NBAS: variants seen among roughly 807,000 people sequenced by gnomAD.
NBAS encodes NAG/BC035112 fusion.
A neutral mutation model predicts 302.5 loss-of-function variants in NBAS; 219 were observed. The observed-to-expected ratio is 0.72, with a 90% CI of 0.65 to 0.81. The LOEUF (loss-of-function observed/expected upper bound fraction) is 0.81. Among genes scored for constraint, NBAS ranks in the 30% least tolerant of loss-of-function variants. The pLI is 0.00. For missense variants in NBAS, 2,932 were observed against 2,841.6 expected (o/e 1.03, Z -0.72); for synonymous variants, 1,118 against 1,021.6 (o/e 1.09, Z -1.80).
At chr2:15,535,140 TAC>T (rs1437021617) in intron 8 of NBAS, among the ~76,000 whole-genome samples, 1 of 152,190 alleles carries the variant, frequency 6.6e-6, no homozygotes, top group East Asian at 1.9e-4. Flanking sequence ...GAGTACATAC[TAC>T]AGTCATTCCT....
chr2:14,869,913 A>G, the NBAS span, among the ~76,000 whole-genome samples: 1 of 152,176 alleles, frequency 6.6e-6, no homozygotes, highest in Non-Finnish European at 1.5e-5. Context: ...GACTTTCATC[A>G]CAGAGTCAAC....
chr2:15,061,238 A>G, the NBAS span, among the ~76,000 whole-genome samples: 1 of 152,182 alleles, frequency 6.6e-6, no homozygotes, highest in African/African-American at 2.4e-5. Context: ...ATGTAACTGC[A>G]ACTAAGGTGT....
chr2:14,846,607 A>G, the NBAS span, among the ~76,000 whole-genome samples: 5 of 152,140 alleles, frequency 3.3e-5, no homozygotes, highest in African/African-American at 1.2e-4. Context: ...ATCAAAAATA[A>G]TAACTACAAA....
At chr2:14,870,652 A>AAAAC in the NBAS span, among the ~76,000 whole-genome samples, 1 of 152,080 alleles carries the variant, frequency 6.6e-6, no homozygotes, top group South Asian at 2.1e-4. Context: ...AAAAAAAGGC[A>AAAAC]AAACAAACAA....
the NBAS span, among the ~76,000 whole-genome samples, chr2:14,848,198 T>C: frequency 6.7e-6 from 1 of 150,028 alleles, no homozygotes; most frequent in Non-Finnish European, 1.5e-5. Flanking sequence ...TTCCAGAGAG[T>C]GGGCGCAGGA....
In NBAS at chr2:15,474,437, G is replaced by A. The variant is rs1346335708; in HGVS notation, c.1342-113C>T. On this transcript the variant is annotated intron_variant, in intron 14 of 51. Coordinates refer to ENST00000281513, the MANE Select transcript of NBAS (RefSeq NM_015909.4). ...TACTCTGGTTTGATTCATTAAATCA[G>A]CTATGTGATCAAGATTAACAATGGA... The A allele has an allele frequency of 1.7e-5, 19 of 1,127,104 alleles. 1 individual carries two copies. The Admixed American group carries it at 4.7e-4, about 28-fold the overall frequency. 69.8% of individuals were successfully genotyped at this position (1,127,104 alleles called of 1,614,324 possible). A position where few individuals can be genotyped will look rare whatever the true frequency, so the allele number is the denominator to read the frequency against.
chr2:15,413,417 T>C (rs974014502), intron 25 of NBAS, among the ~76,000 whole-genome samples: 10 of 152,168 alleles, frequency 6.6e-5, no homozygotes, highest in African/African-American at 2.4e-4. Context: ...CAGCACAGTA[T>C]GATAAGAGCT....
chr2:15,077,021 A>G, the NBAS span, among the ~76,000 whole-genome samples: 7 of 152,234 alleles, frequency 4.6e-5, no homozygotes, highest in Non-Finnish European at 1.0e-4. Context: ...GGCTTACACC[A>G]CTGGGATCCT....
intron 21 of NBAS, among the ~76,000 whole-genome samples, chr2:15,438,435 T>A (rs1244647831): frequency 6.6e-6 from 1 of 152,156 alleles, no homozygotes; most frequent in African/African-American, 2.4e-5. Flanking sequence ...AAAGAGAACT[T>A]CTGCTTTGAA....
At chr2:14,909,058 C>A in the NBAS span, among the ~76,000 whole-genome samples, 4 of 152,216 alleles carry the variant, frequency 2.6e-5, no homozygotes, top group East Asian at 3.9e-4. Context: ...ACTGGCCGGG[C>A]GCGGTGGCTT....
Position 15,277,108 on chromosome 2 carries a change from T to C in NBAS, c.5139-7A>G. 1 of 1,613,442 alleles carries C rather than the reference T, an allele frequency of 6.2e-7. No homozygotes were observed. The highest frequency in any genetic ancestry group is 1.1e-5 in the South Asian group (1 of 90,934). ...AATTTCTAGTGTGGACAAACTGAAA[T>C]TAAGAGCCAAAGGAACTGTGTTAAG... On this transcript the variant is annotated splice_polypyrimidine_tract_variant and splice_region_variant and intron_variant, in intron 42 of 51. Coordinates refer to ENST00000281513, the MANE Select transcript of NBAS (RefSeq NM_015909.4).
chr2:15,439,305 TA>T (rs74898089), intron 21 of NBAS, among the ~76,000 whole-genome samples: 4,977 of 74,588 alleles, frequency 0.067, 203 homozygotes, highest in African/African-American at 0.18. Context: ...CGGTCTCAAA[TA>T]AAAAAAAAAA....
chr2:15,054,816 C>T, the NBAS span, among the ~76,000 whole-genome samples: 4 of 152,188 alleles, frequency 2.6e-5, no homozygotes, highest in African/African-American at 9.7e-5. Flanking sequence ...TTCCAAGCAG[C>T]ACTTTCCACT....
the NBAS span, among the ~76,000 whole-genome samples, chr2:14,818,683 T>C: frequency 1.3e-5 from 2 of 152,192 alleles, no homozygotes; most frequent in Non-Finnish European, 2.9e-5. Context: ...GTAAGTCCTA[T>C]GTGAAGGACG....
At chr2:15,146,735 G>A in the NBAS span, among the ~76,000 whole-genome samples, 3 of 152,146 alleles carry the variant, frequency 2.0e-5, no homozygotes, top group Admixed American at 6.5e-5. Context: ...AGATGGTATA[G>A]GTCTGGCCCC....
At chr2:15,167,379 C>G in intron 51 of NBAS, 56 bp from the exon 52 acceptor site, 3 of 1,595,194 alleles carry the variant, frequency 1.9e-6, no homozygotes, top group African/African-American at 1.3e-5. Flanking sequence ...TTCGCCTCCC[C>G]CTTGGATCCC....
the NBAS span, among the ~76,000 whole-genome samples, chr2:14,948,983 A>G: frequency 0.043 from 6,579 of 152,260 alleles, 437 homozygotes; most frequent in African/African-American, 0.15. Flanking sequence ...CCAGAAACAT[A>G]CAATGGTAAA....
At chr2:15,536,847 A>G (rs1002374204) in intron 7 of NBAS, among the ~76,000 whole-genome samples, 5 of 152,194 alleles carry the variant, frequency 3.3e-5, no homozygotes, top group Admixed American at 3.3e-4. Flanking sequence ...AAAAAAAACA[A>G]AGATAATGCC....
chr2:15,552,552 A>G (rs1173369779), intron 5 of NBAS, among the ~76,000 whole-genome samples: 2 of 152,174 alleles, frequency 1.3e-5, no homozygotes, highest in Non-Finnish European at 2.9e-5. Flanking sequence ...AACATTTCCC[A>G]AAGAATGAAC....
Sources: allele counts gnomAD v4.1 joint callset (sites outside exome capture counted in the v4.1 genomes callset), GRCh38; gene constraint gnomAD v4.1.1; transcripts MANE v1.5; gene names NCBI Gene and HGNC (gene_info 2026-07-23, HGNC 2026-07-21).